Variants in AGBL1 observed in about 807,000 individuals in gnomAD.
The protein encoded by AGBL1 is AGBL carboxypeptidase 1, also known as cytosolic carboxypeptidase 4.
AGBL1 carries 130 observed loss-of-function variants against 118.9 expected under a neutral mutation model. The ratio of observed to expected loss-of-function variants is 1.09; its 90% CI spans 0.95 to 1.26. AGBL1 has a LOEUF of 1.26. Ranked by LOEUF, AGBL1 falls within the 50% of genes most tolerant of loss-of-function variation. The probability of loss-of-function intolerance (pLI) is 0.00; values close to 1 mark genes in which losing one functional copy is unlikely to be tolerated. For missense variants in AGBL1, 1,584 were observed against 1,298.1 expected (o/e 1.22, Z -3.38); for synonymous variants, 555 against 478.9 (o/e 1.16, Z -2.08).
In AGBL1 at chr15:86,554,357, G is replaced by A; in HGVS notation, c.2818-4G>A. On this transcript the variant is annotated splice_region_variant and splice_polypyrimidine_tract_variant and intron_variant, in intron 20 of 22. Transcript: ENST00000614907. ...TCATCGTTTGATTTTTGTTTTTACT[G>A]TAGACTCTTCCCAAAATCCTTGATA... 1 of 1,567,780 alleles carries A rather than the reference G, an allele frequency of 6.4e-7. No homozygotes were observed. The highest frequency in any genetic ancestry group is 8.6e-7 in the Non-Finnish European group (1 of 1,156,254).
intron 22 of AGBL1, among the ~76,000 whole-genome samples, chr15:86,809,930 C>T (rs541533725): frequency 6.6e-5 from 10 of 152,148 alleles, no homozygotes; most frequent in African/African-American, 1.9e-4. Context: ...GGATCATTAG[C>T]TTTTTAATAG....
chr15:86,817,456 TGA>T (rs1308804088), intron 22 of AGBL1, among the ~76,000 whole-genome samples: 9 of 102,828 alleles, frequency 8.8e-5, no homozygotes, highest in South Asian at 6.7e-4. Context: ...TGTGTGTCTC[TGA>T]GAGATACACA....
At chr15:86,137,837 G>A (rs1051461437) in intron 1 of AGBL1, among the ~76,000 whole-genome samples, 7 of 152,196 alleles carry the variant, frequency 4.6e-5, no homozygotes, top group African/African-American at 9.6e-5. Flanking sequence ...AGGCAGCTCC[G>A]GAGGAATGAC....
At chr15:86,782,914 C>T (rs111520861) in intron 22 of AGBL1, among the ~76,000 whole-genome samples, 6 of 152,258 alleles carry the variant, frequency 3.9e-5, no homozygotes, top group East Asian at 1.9e-4. Flanking sequence ...TCTATGTCAA[C>T]GTCTGATTGA....
intron 18 of AGBL1, among the ~76,000 whole-genome samples, chr15:86,483,570 G>T (rs1322936355): frequency 2.0e-5 from 3 of 152,070 alleles, no homozygotes; most frequent in African/African-American, 7.2e-5. Context: ...CAGTCCATTA[G>T]GGAGCTTAAA....
chr15:86,741,414 A>AAAAAAAAAAAAAAAAAAAAAAT, intron 22 of AGBL1, among the ~76,000 whole-genome samples: 1 of 133,928 alleles, frequency 7.5e-6, no homozygotes, highest in Non-Finnish European at 1.6e-5. Flanking sequence ...AAAAAAAAAA[A>AAAAAAAAAAAAAAAAAAAAAAT]AAAAAAAGAA....
Position 86,192,473 on chromosome 15 carries a change from T to TA in AGBL1, c.489-32433dup, listed in dbSNP as rs1332081615. ...ATTTTGTCTATCACATGGGCCATTCTAAAAAAAATGATAACCTGACTTGTA... is the reference window on the plus strand; with the variant it reads ...ATTTTGTCTATCACATGGGCCATTCTAAAAAAAAATGATAACCTGACTTGTA... On this transcript the variant is annotated intron_variant, in intron 5 of 22. Coordinates refer to ENST00000614907, the MANE Select transcript of AGBL1 (RefSeq NM_001386094.1). 4.6e-5 allele frequency among the ~76,000 whole-genome samples: 7 copies of TA among 151,576 alleles called. No individual in the cohort carries two copies. In the East Asian group the frequency reaches 5.8e-4, roughly 13 times the overall value.
At chr15:86,873,449 T>C (rs1011095523) in intron 22 of AGBL1, among the ~76,000 whole-genome samples, 1 of 152,204 alleles carries the variant, frequency 6.6e-6, no homozygotes, top group Non-Finnish European at 1.5e-5. Flanking sequence ...AATGATAATG[T>C]CCAGTTTTCT....
chr15:86,990,333 G>A (rs2081325455), intron 24 of AGBL1, among the ~76,000 whole-genome samples: 1 of 152,128 alleles, frequency 6.6e-6, no homozygotes, highest in Non-Finnish European at 1.5e-5. Flanking sequence ...TGACCAACAA[G>A]GTGAAACCCT....
intron 24 of AGBL1, among the ~76,000 whole-genome samples, chr15:87,019,010 A>T (rs140341400): frequency 0.081 from 10,409 of 129,280 alleles, 522 homozygotes; most frequent in East Asian, 0.28. Flanking sequence ...CAACAAAGAT[A>T]AAAAAAAAGA....
chr15:86,883,907 G>C (rs1315096871), intron 22 of AGBL1, among the ~76,000 whole-genome samples: 1 of 152,126 alleles, frequency 6.6e-6, no homozygotes, highest in Non-Finnish European at 1.5e-5. Flanking sequence ...GTATACAGTA[G>C]TCCCTCCTTT....
chr15:86,767,666 TTATAG>T (rs1484117556), intron 22 of AGBL1, among the ~76,000 whole-genome samples: 1 of 151,978 alleles, frequency 6.6e-6, no homozygotes, highest in Admixed American at 6.6e-5. Context: ...TATTCCTATC[TTATAG>T]TAGAGAAAAC....
chr15:86,396,473 TC>T (rs2081366437), intron 17 of AGBL1, among the ~76,000 whole-genome samples: 1 of 152,068 alleles, frequency 6.6e-6, no homozygotes, highest in Non-Finnish European at 1.5e-5. Context: ...TTTTCCTGAC[TC>T]CCTTTGCAAA....
chr15:86,710,263 T>C (rs974284694), intron 22 of AGBL1, among the ~76,000 whole-genome samples: 3 of 152,186 alleles, frequency 2.0e-5, no homozygotes, highest in African/African-American at 7.2e-5. Flanking sequence ...TATCGATGGA[T>C]TGCATGTTGG....
At chr15:86,487,039 C>G (rs17674446) in intron 18 of AGBL1, among the ~76,000 whole-genome samples, 6,182 of 152,162 alleles carry the variant, frequency 0.041, 179 homozygotes, top group East Asian at 0.083. Context: ...TGCTATAAAA[C>G]TGGCCAGGAT....
intron 17 of AGBL1, among the ~76,000 whole-genome samples, chr15:86,381,553 A>G (rs1382249413): frequency 6.6e-6 from 1 of 152,148 alleles, no homozygotes. Flanking sequence ...AGAAAAATCT[A>G]GAAGTACAAG....
chr15:86,852,928 C>T lies in AGBL1; in HGVS notation c.3159-54159C>T, dbSNP rs77261284. ...CCATTTAAATCAGAATCTCTGGGCA[C>T]GAGGCTCAGGCTTCGTTGTTTTTAA... On this transcript the variant is annotated intron_variant, in intron 22 of 22. Coordinates refer to ENST00000614907, the MANE Select transcript of AGBL1 (RefSeq NM_001386094.1). Among the ~76,000 whole-genome samples the T allele has an allele frequency of 8.4e-3, 1,279 of 152,280 alleles. 14 individuals are homozygous for T. The highest frequency in any genetic ancestry group is 0.021 in the African/African-American group (853 of 41,554).
intron 6 of AGBL1, among the ~76,000 whole-genome samples, chr15:86,241,090 C>G (rs1006014764): frequency 6.6e-6 from 1 of 151,982 alleles, no homozygotes; most frequent in African/African-American, 2.4e-5. Flanking sequence ...CTTCAGCATG[C>G]GTAAAGAGGA....
chr15:86,784,703 G>A (rs777809825), intron 22 of AGBL1, among the ~76,000 whole-genome samples: 6 of 152,018 alleles, frequency 3.9e-5, no homozygotes, highest in Admixed American at 1.3e-4. Flanking sequence ...CTTCTACTGC[G>A]TTATAAATTA....
Sources: gnomAD v4.1 joint callset for allele counts (sites outside exome capture counted in the v4.1 genomes callset) on GRCh38, gnomAD v4.1.1 for gene constraint, MANE v1.5 for transcripts, NCBI Gene and HGNC (gene_info 2026-07-23, HGNC 2026-07-21) for gene names.